HOMER1: variants seen among roughly 807,000 people sequenced by gnomAD.
HOMER1 encodes the protein homer protein homolog 1.
Under a neutral mutation model 48.9 loss-of-function variants are expected in HOMER1, and 3 were observed. The ratio of observed to expected loss-of-function variants is 0.06; its 90% CI spans 0.03 to 0.16. The LOEUF (loss-of-function observed/expected upper bound fraction) is 0.16, where lower values mean the gene tolerates loss of function less well. HOMER1 is among the 10% of genes least tolerant of loss of function. HOMER1 has a pLI of 1.00. For synonymous variants in HOMER1, 134 were observed against 146.4 expected (o/e 0.92, Z 0.61); for missense variants, 247 against 411.4 (o/e 0.60, Z 3.46).
chr5:79,470,077 C>T (rs1751576850), intron 1 of HOMER1, among the ~76,000 whole-genome samples: 1 of 152,076 alleles, frequency 6.6e-6, no homozygotes, highest in South Asian at 2.1e-4. Context: ...GAGGCCTTTT[C>T]CCTATTTAGC....
chr5:79,438,139 T>A (rs2112274298), intron 5 of HOMER1, among the ~76,000 whole-genome samples: 1 of 152,300 alleles, frequency 6.6e-6, no homozygotes, highest in Non-Finnish European at 1.5e-5. Flanking sequence ...TCACTTCAAT[T>A]TTGCTTAATA....
intron 1 of HOMER1, among the ~76,000 whole-genome samples, chr5:79,464,630 A>T (rs978374525): frequency 6.6e-6 from 1 of 152,196 alleles, no homozygotes; most frequent in Non-Finnish European, 1.5e-5. Context: ...CACGATTATC[A>T]GGGAACTGGT....
At chr5:79,467,866 T>C (rs9654433) in intron 1 of HOMER1, among the ~76,000 whole-genome samples, 40,340 of 151,946 alleles carry the variant, frequency 0.27, 5,483 homozygotes, top group South Asian at 0.39. Context: ...AGCCTTGACC[T>C]CTCAGGCTCA....
At chr5:79,474,201 C>T (rs1751694567) in intron 1 of HOMER1, among the ~76,000 whole-genome samples, 1 of 142,640 alleles carries the variant, frequency 7.0e-6, no homozygotes, top group Non-Finnish European at 1.5e-5. Flanking sequence ...TCATGCCCAA[C>T]CAAAATTTTT....
At chr5:79,487,942 A>G (rs1225780467) in intron 1 of HOMER1, among the ~76,000 whole-genome samples, 1 of 152,226 alleles carries the variant, frequency 6.6e-6, no homozygotes, top group East Asian at 1.9e-4. Flanking sequence ...AAACAATATG[A>G]GCCACATGTT....
chr5:79,492,261 T>C (rs536489561), intron 1 of HOMER1, among the ~76,000 whole-genome samples: 15 of 152,276 alleles, frequency 9.9e-5, no homozygotes, highest in East Asian at 3.9e-4. Flanking sequence ...AAAATCCACA[T>C]TGAGGCTGTA....
At chr5:79,376,953 TTTTG>T (rs1340951561) in intron 8 of HOMER1, among the ~76,000 whole-genome samples, 1 of 152,170 alleles carries the variant, frequency 6.6e-6, no homozygotes, top group East Asian at 1.9e-4. Context: ...TTATTACTGC[TTTTG>T]TTTTTTTGTT....
intron 5 of HOMER1, among the ~76,000 whole-genome samples, chr5:79,422,982 T>C (rs997567769): frequency 6.6e-6 from 1 of 152,128 alleles, no homozygotes; most frequent in Non-Finnish European, 1.5e-5. Context: ...TAGTCTTCCC[T>C]GGTCCTTTTG....
At position 79,512,720 on chromosome 5, in the gene HOMER1, T is replaced by C. The variant is rs370920085; in HGVS notation, c.5+50A>G. On this transcript the variant is annotated intron_variant, in intron 1 of 8. Coordinates refer to ENST00000334082, the MANE Select transcript of HOMER1 (RefSeq NM_004272.5). ...CACAATCACCACCACCGCTCAATAA[T>C]ACACATACATAAACAGATTCGAAGC... 1,311 of 1,579,762 alleles carry C rather than the reference T, an allele frequency of 8.3e-4. 1 individual carries two copies. The highest frequency in any genetic ancestry group is 1.0e-3 in the Non-Finnish European group (1,201 of 1,150,250).
At chr5:79,462,117 T>A (rs996803700) in intron 1 of HOMER1, among the ~76,000 whole-genome samples, 1 of 152,104 alleles carries the variant, frequency 6.6e-6, no homozygotes, top group East Asian at 1.9e-4. Context: ...GAGAATCACT[T>A]GAACCCAGGA....
chr5:79,451,840 C>A (rs1323776962), intron 2 of HOMER1, among the ~76,000 whole-genome samples: 1 of 151,994 alleles, frequency 6.6e-6, no homozygotes, highest in Non-Finnish European at 1.5e-5. Flanking sequence ...GGATTACAGG[C>A]GTGAGCCACT....
intron 5 of HOMER1, among the ~76,000 whole-genome samples, chr5:79,419,607 T>C (rs939728926): frequency 2.0e-5 from 3 of 151,846 alleles, no homozygotes; most frequent in African/African-American, 4.8e-5. Context: ...ACATTCTATA[T>C]AGATCTGGAA....
intron 8 of HOMER1, among the ~76,000 whole-genome samples, chr5:79,393,506 T>C (rs1173083141): frequency 2.0e-5 from 3 of 152,214 alleles, no homozygotes; most frequent in Admixed American, 2.0e-4. Context: ...AATTGTTCAA[T>C]GTTATTCATA....
In HOMER1 at chr5:79,478,668, T is replaced by C. The variant is rs116032832; in HGVS notation, c.6-21650A>G. ...ATTCCAATCTCTCAAAAATCAACCA[T>C]AGGCCAGGCGCAATGGCTCATGCCT... On this transcript the variant is annotated intron_variant, in intron 1 of 8. Coordinates refer to ENST00000334082, the MANE Select transcript of HOMER1 (RefSeq NM_004272.5). Among the ~76,000 whole-genome samples the C allele has an allele frequency of 5.1e-3, 767 of 151,820 alleles. 7 individuals are homozygous for C. Among genetic ancestry groups the C allele is most frequent in the African/African-American group, 0.018 (728 of 41,364 alleles).
chr5:79,510,469 G>C, intron 1 of HOMER1: 1 of 690,610 alleles, frequency 1.4e-6, no homozygotes, highest in South Asian at 1.4e-5. Context: ...CACACAACCA[G>C]TCCCAAAAAT....
At position 79,372,998 on chromosome 5, in the gene HOMER1, A is replaced by C. The variant is rs1174085020; in HGVS notation, c.*3011T>G. The C allele has an allele frequency of 6.6e-6, 1 of 152,164 alleles. No individual in the cohort carries two copies. Among genetic ancestry groups the C allele is most frequent in the African/African-American group, 2.4e-5 (1 of 41,452 alleles). 9.4% of individuals were successfully genotyped at this position (152,164 alleles called of 1,614,324 possible). A position where few individuals can be genotyped will look rare whatever the true frequency, so the allele number is the denominator to read the frequency against. On this transcript the variant is annotated 3_prime_UTR_variant, in exon 9 of 9. Transcript: ENST00000334082. Reference sequence around the variant, plus strand: ...CTGGAGATCTTCTATAGAGACAAGGAGAGATGCAACTTCGTGAGCATGTTT... The same window carrying C: ...CTGGAGATCTTCTATAGAGACAAGGCGAGATGCAACTTCGTGAGCATGTTT...
intron 5 of HOMER1, among the ~76,000 whole-genome samples, chr5:79,436,164 A>T (rs1167113714): frequency 6.6e-6 from 1 of 151,956 alleles, no homozygotes; most frequent in Non-Finnish European, 1.5e-5. Flanking sequence ...ATAAATAAAA[A>T]TAAAAAAATA....
intron 5 of HOMER1, among the ~76,000 whole-genome samples, chr5:79,407,485 G>A (rs1175490023): frequency 1.3e-5 from 2 of 152,156 alleles, no homozygotes; most frequent in African/African-American, 4.8e-5. Flanking sequence ...AATTTTAGCA[G>A]AGCAATGAAA....
chr5:79,448,721 T>C (rs772815987), intron 3 of HOMER1, among the ~76,000 whole-genome samples: 2 of 152,154 alleles, frequency 1.3e-5, no homozygotes, highest in African/African-American at 2.4e-5. Flanking sequence ...TTGAGCCTCC[T>C]ACAGTCTGCA....
Sources: allele counts gnomAD v4.1 joint callset (sites outside exome capture counted in the v4.1 genomes callset), GRCh38; gene constraint gnomAD v4.1.1; transcripts MANE v1.5; gene names NCBI Gene and HGNC (gene_info 2026-07-23, HGNC 2026-07-21).